The following RALGPS1 variants were observed in gnomAD, a reference collection of about 807,000 sequenced individuals.
RALGPS1 encodes the protein ras-specific guanine nucleotide-releasing factor RalGPS1.
Under a neutral mutation model 78.8 loss-of-function variants are expected in RALGPS1, and 19 were observed. The observed-to-expected ratio is 0.24, with a 90% CI of 0.17 to 0.35. RALGPS1 has a LOEUF of 0.35. RALGPS1 is among the 10% of genes least tolerant of loss of function. The pLI is 1.00. For synonymous variants in RALGPS1, 228 were observed against 256.3 expected (o/e 0.89, Z 1.06); for missense variants, 454 against 688.3 (o/e 0.66, Z 3.81).
intron 1 of RALGPS1, among the ~76,000 whole-genome samples, chr9:126,923,676 GAAGACACAGTCTTGCTGAGTC>G (rs2034987049): frequency 6.6e-6 from 1 of 152,148 alleles, no homozygotes; most frequent in African/African-American, 2.4e-5. Flanking sequence ...TTCTTGTTGA[GAAGACACAGTCTTGCTGAGTC>G]ACCTGGGCTG....
At chr9:127,093,666 C>T in intron 8 of RALGPS1, 1 of 1,577,716 alleles carries the variant, frequency 6.3e-7, no homozygotes, top group South Asian at 1.2e-5. Context: ...CTATTGGTTG[C>T]TCAGGCCTCT....
At chr9:126,958,142 A>AATAAATATATAT (rs1554765219) in intron 1 of RALGPS1, among the ~76,000 whole-genome samples, 2 of 77,080 alleles carry the variant, frequency 2.6e-5, no homozygotes, top group African/African-American at 8.1e-5. Flanking sequence ...AAAAAAAAAA[A>AATAAATATATAT]ATATATATAT....
chr9:127,218,827 T>G lies in RALGPS1; in HGVS notation c.*58T>G, dbSNP rs566162844. The G allele has an allele frequency of 7.0e-6, 11 of 1,566,476 alleles. No homozygotes were observed. In the South Asian group the frequency reaches 1.2e-4, roughly 17 times the overall value. On this transcript the variant is annotated 3_prime_UTR_variant, in exon 19 of 19. Coordinates refer to ENST00000259351, the MANE Select transcript of RALGPS1 (RefSeq NM_014636.3). The surrounding 1 kb of genome is among the most constrained non-coding windows in gnomAD (Gnocchi z 4.4). ...TTCTGGGAACCCAGGCTGGGCCTGG[T>G]GGTGAAGAGCAGTCCTGGGCACAGG...
intron 14 of RALGPS1, among the ~76,000 whole-genome samples, chr9:127,201,400 C>A (rs1246103918): frequency 6.6e-6 from 1 of 152,220 alleles, no homozygotes; most frequent in Non-Finnish European, 1.5e-5. Context: ...CGATGTCTCC[C>A]CCAGTCAAGA....
chr9:126,954,009 A>G (rs1228037513), intron 1 of RALGPS1, among the ~76,000 whole-genome samples: 3 of 152,160 alleles, frequency 2.0e-5, no homozygotes, highest in African/African-American at 7.2e-5. Flanking sequence ...GCATCCACAC[A>G]TGCCCAGCGC....
chr9:126,918,185 A>G (rs1440190723), intron 1 of RALGPS1, among the ~76,000 whole-genome samples: 1 of 152,236 alleles, frequency 6.6e-6, no homozygotes, highest in African/African-American at 2.4e-5. Flanking sequence ...GAACTTCAAC[A>G]TAAAAGACAA....
At chr9:127,001,825 A>G (rs1346776577) in intron 4 of RALGPS1, among the ~76,000 whole-genome samples, 3 of 152,324 alleles carry the variant, frequency 2.0e-5, no homozygotes, top group East Asian at 3.9e-4. Flanking sequence ...CGGAGGTTGC[A>G]GTGAGCCGAG....
intron 4 of RALGPS1, among the ~76,000 whole-genome samples, chr9:127,005,661 G>A (rs963503202): frequency 7.9e-5 from 12 of 152,152 alleles, no homozygotes; most frequent in African/African-American, 2.9e-4. Flanking sequence ...TGAAGTACTT[G>A]ACTGAACTTC....
Position 127,217,031 on chromosome 9 carries a change from G to A in RALGPS1, c.1645-1709G>A, listed in dbSNP as rs536770303. 106 of 1,500,296 alleles carry A rather than the reference G, an allele frequency of 7.1e-5. No individual in the cohort carries two copies. In the African/African-American group the frequency reaches 1.3e-3, roughly 18 times the overall value. 92.9% of individuals were successfully genotyped at this position (1,500,296 alleles called of 1,614,324 possible). A position where few individuals can be genotyped will look rare whatever the true frequency, so the allele number is the denominator to read the frequency against. ...TGGGCACCATGGTGGCCCCAGTCAG[G>A]AGCAACAGTGGTAGCCCTGAGTAAA... On this transcript the variant is annotated intron_variant, in intron 18 of 18. Transcript: ENST00000259351.
At chr9:127,203,353 A>G (rs922972862) in intron 14 of RALGPS1, among the ~76,000 whole-genome samples, 21 of 152,232 alleles carry the variant, frequency 1.4e-4, no homozygotes, top group African/African-American at 5.1e-4. Context: ...ATAATCAGAA[A>G]TGATTACTGA....
At chr9:127,164,890 ATATATGTG>A (rs1333443814) in intron 8 of RALGPS1, among the ~76,000 whole-genome samples, 1 of 152,146 alleles carries the variant, frequency 6.6e-6, no homozygotes, top group African/African-American at 2.4e-5. Flanking sequence ...GCATTAATAT[ATATATGTG>A]TATATGTATA....
intron 11 of RALGPS1, among the ~76,000 whole-genome samples, chr9:127,191,700 G>GTTTTTTTTTTT (rs11375987): frequency 5.6e-5 from 7 of 125,532 alleles, no homozygotes; most frequent in Admixed American, 8.9e-5. Flanking sequence ...GTTTTTTTTT[G>GTTTTTTTTTTT]TTTTTTTTTT....
chr9:127,214,574 A>G (rs1262220781), intron 17 of RALGPS1, among the ~76,000 whole-genome samples, 177 bp from the exon 18 acceptor site: 2 of 152,232 alleles, frequency 1.3e-5, no homozygotes, highest in African/African-American at 4.8e-5. Flanking sequence ...GTTACAAGCC[A>G]TGGTCCAAAG....
At chr9:126,924,607 C>G (rs2035087954) in intron 1 of RALGPS1, among the ~76,000 whole-genome samples, 1 of 152,148 alleles carries the variant, frequency 6.6e-6, no homozygotes, top group Non-Finnish European at 1.5e-5. Context: ...AGGAAAGCCC[C>G]AGTTTTAATA....
At chr9:127,037,300 T>A (rs1022029806) in intron 5 of RALGPS1, among the ~76,000 whole-genome samples, 2 of 152,136 alleles carry the variant, frequency 1.3e-5, no homozygotes, top group African/African-American at 4.8e-5. Flanking sequence ...TTGGAAAAGG[T>A]GAAGAGGGAA....
rs187244217 is a variant in RALGPS1, at chr9:127,091,434, C to T, written c.610+22078C>T. ...GTGATTTGTATACCTCTTTATGTCT[C>T]GCCCCATCCCATTTTTTTTTTCTTA... On this transcript the variant is annotated intron_variant, in intron 8 of 18. Transcript: ENST00000259351. This position sits in a 1 kb window ranked among gnomAD's most constrained non-coding sequence, Gnocchi z 4.3. 1.3e-5 allele frequency among the ~76,000 whole-genome samples: 2 copies of T among 152,262 alleles called. No individual in the cohort carries two copies. Among genetic ancestry groups the T allele is most frequent in the Admixed American group, 6.5e-5 (1 of 15,294 alleles).
intron 1 of RALGPS1, among the ~76,000 whole-genome samples, chr9:126,947,484 A>G (rs2037389080): frequency 6.6e-6 from 1 of 152,196 alleles, no homozygotes; most frequent in African/African-American, 2.4e-5. Flanking sequence ...TCCAAAATCC[A>G]AAAAATCAGA....
At chr9:127,037,443 A>G (rs1465292924) in intron 5 of RALGPS1, among the ~76,000 whole-genome samples, 1 of 152,212 alleles carries the variant, frequency 6.6e-6, no homozygotes, top group Non-Finnish European at 1.5e-5. Context: ...TGTCTCATGG[A>G]CACATTTTAT....
chr9:127,048,338 T>C (rs1046624983), intron 5 of RALGPS1, among the ~76,000 whole-genome samples: 1 of 152,238 alleles, frequency 6.6e-6, no homozygotes, highest in Non-Finnish European at 1.5e-5. Context: ...TCAAGGCCTA[T>C]CTTCTTCGAG....
Sources: allele counts gnomAD v4.1 joint callset (sites outside exome capture counted in the v4.1 genomes callset), GRCh38; gene constraint gnomAD v4.1.1; non-coding constraint Gnocchi (gnomAD v3.1); transcripts MANE v1.5; gene names NCBI Gene and HGNC (gene_info 2026-07-23, HGNC 2026-07-21).